The following ITPR3 variants were observed in gnomAD, a reference collection of about 807,000 sequenced individuals.
ITPR3 encodes the protein inositol 1,4,5-trisphosphate-gated calcium channel ITPR3.
In ITPR3, 173 loss-of-function variants were observed where a neutral mutation model predicts 293.2. That is an observed-to-expected ratio of 0.59 (90% CI 0.52 to 0.67). The LOEUF is 0.67. ITPR3 is among the 30% of genes least tolerant of loss of function. ITPR3 has a pLI of 0.00. For missense variants in ITPR3, 2,796 were observed against 3,592.1 expected, an observed-to-expected ratio of 0.78 and a Z score of 5.66; for synonymous variants, 1,295 against 1,444.4, an observed-to-expected ratio of 0.90 and a Z score of 2.35.
Position 33,687,696 on chromosome 6 carries a change from CAG to C in ITPR3, c.6264+133_6264+134del. The C allele has an allele frequency of 1.4e-6, 1 of 738,830 alleles. No homozygotes were observed. Among genetic ancestry groups the C allele is most frequent in the Non-Finnish European group, 2.2e-6 (1 of 445,616 alleles). The allele number at this position is 738,830 out of a possible 1,614,324, so 45.8% of individuals were successfully genotyped here. On this transcript the variant is annotated intron_variant, in intron 46 of 57. Coordinates refer to ENST00000605930, the MANE Select transcript of ITPR3 (RefSeq NM_002224.4). The surrounding 1 kb of genome is among the most constrained non-coding windows in gnomAD (Gnocchi z 5.3). ...CAGGCTAGAATTTGGGGGTACAGCT[CAG>C]GGGGCTGATTGGGACTGGCAGCCGT...
chr6:33,643,505 C>G (rs926633631), intron 2 of ITPR3, among the ~76,000 whole-genome samples: 1 of 152,240 alleles, frequency 6.6e-6, no homozygotes, highest in African/African-American at 2.4e-5. Context: ...TGTGTGGCAC[C>G]CACGCTAGGC....
intron 7 of ITPR3, among the ~76,000 whole-genome samples, chr6:33,660,535 C>T (rs1241499104): frequency 7.1e-6 from 1 of 141,256 alleles, no homozygotes; most frequent in Admixed American, 7.0e-5. Flanking sequence ...TCCCTTAAAT[C>T]TGCACATCAT....
intron 28 of ITPR3, 48 bp downstream of exon 28, chr6:33,677,677 A>G (rs542203964): frequency 5.0e-6 from 8 of 1,601,742 alleles, no homozygotes; most frequent in African/African-American, 2.7e-5. Context: ...CTTCCCCCTG[A>G]ACCCCGGCCT....
At chr6:33,640,807 C>T (rs1763934340) in intron 2 of ITPR3, among the ~76,000 whole-genome samples, 1 of 152,248 alleles carries the variant, frequency 6.6e-6, no homozygotes, top group South Asian at 2.1e-4. Flanking sequence ...GCCAGGGGCC[C>T]ATTCTCCCCC....
intron 2 of ITPR3, among the ~76,000 whole-genome samples, chr6:33,647,474 T>G (rs7758134): frequency 0.091 from 13,865 of 152,206 alleles, 728 homozygotes; most frequent in Non-Finnish European, 0.12. Flanking sequence ...TTTTTTCATC[T>G]TGCAAAACTG....
In ITPR3 at chr6:33,667,747, C is replaced by T; in HGVS notation, c.1714-45C>T. 6.2e-7 allele frequency: 1 copy of T among 1,606,316 alleles called. No homozygotes were observed. The highest frequency in any genetic ancestry group is 1.1e-5 in the South Asian group (1 of 90,036). ...TTCCAGAGCAGAGCTGGGCCCTTGG[C>T]CCACCTGTGACTCTCTGTGACCCCC... On this transcript the variant is annotated intron_variant, in intron 15 of 57. Coordinates refer to ENST00000605930, the MANE Select transcript of ITPR3 (RefSeq NM_002224.4). This position sits in a 1 kb window ranked among gnomAD's most constrained non-coding sequence, Gnocchi z 4.4.
In ITPR3 at chr6:33,621,877, CG is replaced by C. The variant is rs1188941853; in HGVS notation, c.89+189del. Among the ~76,000 whole-genome samples, 5 of 152,234 alleles carry C rather than the reference CG, an allele frequency of 3.3e-5. No individual in the cohort carries two copies. Among genetic ancestry groups the C allele is most frequent in the African/African-American group, 1.2e-4 (5 of 41,468 alleles). On this transcript the variant is annotated intron_variant, in intron 1 of 57. Transcript: ENST00000605930. The surrounding 1 kb of genome is among the most constrained non-coding windows in gnomAD (Gnocchi z 7.7). ...GTGAAGTGTTTGCTCAGGTAGGACT[CG>C]GGCTCCCTACTGGAGTTGGCAGGAG...
At chr6:33,631,505 C>T (rs1049549421) in intron 1 of ITPR3, among the ~76,000 whole-genome samples, 4 of 152,174 alleles carry the variant, frequency 2.6e-5, no homozygotes, top group African/African-American at 4.8e-5. Flanking sequence ...TAAGAAAGAT[C>T]GAAGACTTTA....
At position 33,662,967 on chromosome 6, in the gene ITPR3, C is replaced by T. The variant is rs527817240; in HGVS notation, c.915C>T (p.Arg305=). ...GGAGHWNGLY[R]FKHLATGNYL... ...CTGGGCACTGGAATGGCTTGTACCG[C>T]TTCAAGCACCTGGCTACAGGCAACT... is the stretch of plus-strand genomic sequence containing the variant. Residue 305 remains arginine, a synonymous_variant, in exon 9 of 58, where the codon CGC becomes CGT. Coordinates refer to ENST00000605930, the MANE Select transcript of ITPR3 (RefSeq NM_002224.4). 7 of 1,604,398 alleles carry T rather than the reference C, an allele frequency of 4.4e-6. No individual in the cohort carries two copies. In the South Asian group the frequency reaches 6.7e-5, roughly 15 times the overall value.
At chr6:33,631,617 G>T (rs1023062870) in intron 1 of ITPR3, among the ~76,000 whole-genome samples, 1 of 152,214 alleles carries the variant, frequency 6.6e-6, no homozygotes, top group Non-Finnish European at 1.5e-5. Context: ...GACCATTGAA[G>T]CACAGCACCA....
chr6:33,684,512 C>T lies in ITPR3; in HGVS notation c.5046+47C>T. 6.2e-7 allele frequency: 1 copy of T among 1,604,740 alleles called. No individual in the cohort carries two copies. The highest frequency in any genetic ancestry group is 1.7e-5 in the Admixed American group (1 of 59,980). ...GTGCTGGGTGGGCCAGTCAGGAGTA[C>T]CCAGGGGCTCAGGGTCAAGCCCGTC... is the stretch of plus-strand genomic sequence containing the variant. On this transcript the variant is annotated intron_variant, in intron 37 of 57. Coordinates refer to ENST00000605930, the MANE Select transcript of ITPR3 (RefSeq NM_002224.4). The surrounding 1 kb of genome is among the most constrained non-coding windows in gnomAD (Gnocchi z 4.2).
intron 1 of ITPR3, among the ~76,000 whole-genome samples, chr6:33,623,878 C>T (rs1001773711): frequency 6.6e-6 from 1 of 152,188 alleles, no homozygotes; most frequent in African/African-American, 2.4e-5. Flanking sequence ...GTTCCACCAG[C>T]GGATGTCCAC....
chr6:33,685,376 G>C lies in ITPR3; in HGVS notation c.5325G>C (p.Leu1775=). ...ACCTCCAGAAATCCTTCCACAACCTGATGATGAGTGACAAGAAGTCAGAGC... is the reference window on the plus strand; with the variant it reads ...ACCTCCAGAAATCCTTCCACAACCTCATGATGAGTGACAAGAAGTCAGAGC... The part of the protein sequence containing the change: ...NTEIQKSFHN[L]MMSDKKSERF... The change falls in exon 40 of 58, where the codon CTG becomes CTC. Residue 1775 remains leucine, a synonymous_variant. Transcript: ENST00000605930. 6.2e-7 allele frequency: 1 copy of C among 1,612,784 alleles called. No individual in the cohort carries two copies. The highest frequency in any genetic ancestry group is 1.3e-5 in the African/African-American group (1 of 75,054).
chr6:33,667,212 G>A lies in ITPR3; in HGVS notation c.1635G>A (p.Lys545=), dbSNP rs1474601906. Residue 545 remains lysine, a synonymous_variant, in exon 15 of 58, where the codon AAG becomes AAA. Transcript: ENST00000605930. This position sits in a 1 kb window ranked among gnomAD's most constrained non-coding sequence, Gnocchi z 4.4. The part of the protein sequence containing the change: ...LVRLEELSDQ[K]NAPYQHMFRL... ...GGCTGGAGGAGCTGTCAGACCAGAAGAACGCCCCCTACCAGCACATGTTCC... is the reference window on the plus strand; with the variant it reads ...GGCTGGAGGAGCTGTCAGACCAGAAAAACGCCCCCTACCAGCACATGTTCC... 2 of 1,613,970 alleles carry A rather than the reference G, an allele frequency of 1.2e-6. No individual in the cohort carries two copies.
In ITPR3 at chr6:33,680,532, G is replaced by A. The variant is rs973552487; in HGVS notation, c.4351-23G>A. ...AGGGGCCCCATGTGAGGAGCCCCCA[G>A]CCATCCCTCTCTCCTGCCTCAGGTC... On this transcript the variant is annotated intron_variant, in intron 32 of 57. Coordinates refer to ENST00000605930, the MANE Select transcript of ITPR3 (RefSeq NM_002224.4). 5 of 1,611,946 alleles carry A rather than the reference G, an allele frequency of 3.1e-6. No individual in the cohort carries two copies. In the African/African-American group the frequency reaches 6.7e-5, roughly 22 times the overall value.
chr6:33,678,199 G>A (rs867115280), intron 28 of ITPR3, among the ~76,000 whole-genome samples: 3 of 152,090 alleles, frequency 2.0e-5, no homozygotes, highest in South Asian at 2.1e-4. Context: ...GACGCTGACC[G>A]TGACACTTCA....
Position 33,633,145 on chromosome 6 carries a change from T to TCTA in ITPR3, c.90-7339_90-7338insCTA, listed in dbSNP as rs1309341599. Among the ~76,000 whole-genome samples the TCTA allele has an allele frequency of 8.5e-5, 13 of 152,066 alleles. No homozygotes were observed. Among genetic ancestry groups the TCTA allele is most frequent in the African/African-American group, 2.9e-4 (12 of 41,488 alleles). On this transcript the variant is annotated intron_variant, in intron 1 of 57. Coordinates refer to ENST00000605930, the MANE Select transcript of ITPR3 (RefSeq NM_002224.4). The surrounding 1 kb of genome is among the most constrained non-coding windows in gnomAD (Gnocchi z 5.2). ...GCCTCTAGGTGAGGGGCGATGCCGG[T>TCTA]GGTGGGCGTAGCGGGGCGTGGGCAG...
At position 33,680,226 on chromosome 6, in the gene ITPR3, G is replaced by A. The variant is rs1462429190; in HGVS notation, c.4224+93G>A. The A allele has an allele frequency of 2.4e-5, 38 of 1,575,906 alleles. 1 individual carries two copies. The South Asian group carries it at 4.4e-4, about 18-fold the overall frequency. On this transcript the variant is annotated intron_variant, in intron 31 of 57. Coordinates refer to ENST00000605930, the MANE Select transcript of ITPR3 (RefSeq NM_002224.4). ...GGAAGAGTGGGTGAAGCAAAGCCAG[G>A]GAAGTGGGCAGGAACCGGAGGCCAG...
intron 33 of ITPR3, among the ~76,000 whole-genome samples, chr6:33,681,351 C>T (rs769495403): frequency 2.0e-5 from 3 of 152,174 alleles, no homozygotes; most frequent in South Asian, 2.1e-4. Flanking sequence ...GCAGGGATCA[C>T]GACAGTCTCC....
Sources: gnomAD v4.1 joint callset for allele counts (sites outside exome capture counted in the v4.1 genomes callset) on GRCh38, gnomAD v4.1.1 for gene constraint, Gnocchi (gnomAD v3.1) non-coding constraint, MANE v1.5 for transcripts, NCBI Gene and HGNC (gene_info 2026-07-23, HGNC 2026-07-21) for gene names.